The following PVT1 variants were observed in gnomAD, a reference collection of about 807,000 sequenced individuals.
PVT1 encodes the protein CXCR4/PVT1 fusion.
At chr8:128,037,539 T>C (rs984463107) in intron 4 of PVT1, among the ~76,000 whole-genome samples, 1 of 152,234 alleles carries the variant, frequency 6.6e-6, no homozygotes, top group Non-Finnish European at 1.5e-5. Context: ...GCATCTGGCC[T>C]GTAAGTACAG....
chr8:128,083,488 C>CA (rs34328337), intron 5 of PVT1, among the ~76,000 whole-genome samples: 2 of 151,866 alleles, frequency 1.3e-5, no homozygotes, highest in East Asian at 1.9e-4. Flanking sequence ...TTCTTTTTGA[C>CA]AAAAAAAGGC....
chr8:127,887,534 T>C (rs1013652710), intron 2 of PVT1, among the ~76,000 whole-genome samples: 4 of 152,206 alleles, frequency 2.6e-5, no homozygotes, highest in Non-Finnish European at 4.4e-5. Context: ...TTATTTTATT[T>C]TTTAGACAAA....
At chr8:127,908,109 T>G (rs2129838831) in intron 3 of PVT1, among the ~76,000 whole-genome samples, 1 of 152,314 alleles carries the variant, frequency 6.6e-6, no homozygotes, top group East Asian at 1.9e-4. Flanking sequence ...CTCATCTTTT[T>G]GGAATTCGCC....
intron 2 of PVT1, among the ~76,000 whole-genome samples, chr8:127,888,551 G>A (rs113732957): frequency 0.011 from 1,694 of 152,350 alleles, 30 homozygotes; most frequent in African/African-American, 0.038. Flanking sequence ...ACCCTGAGGT[G>A]GACGGATGAT....
chr8:127,841,414 C>T (rs1273680492), intron 2 of PVT1, among the ~76,000 whole-genome samples: 1 of 152,016 alleles, frequency 6.6e-6, no homozygotes, highest in Non-Finnish European at 1.5e-5. Context: ...GCTGGGATTA[C>T]AGGCATGCAC....
intron 4 of PVT1, chr8:128,010,243 C>A (rs1817297194): frequency 6.6e-6 from 1 of 152,090 alleles, no homozygotes; most frequent in Non-Finnish European, 1.5e-5. Context: ...TGATACTTCT[C>A]CAAATTGTTA....
intron 4 of PVT1, among the ~76,000 whole-genome samples, chr8:128,034,825 G>A (rs566514723): frequency 6.6e-6 from 1 of 152,210 alleles, no homozygotes; most frequent in Non-Finnish European, 1.5e-5. Context: ...GTTCAGGTTT[G>A]AATCCCTGCT....
intron 4 of PVT1, among the ~76,000 whole-genome samples, chr8:128,064,588 G>T (rs1048535288): frequency 6.6e-6 from 1 of 152,168 alleles, no homozygotes. Flanking sequence ...CTAGGGTGGG[G>T]CCCTGCCTGC....
chr8:127,956,476 T>C (rs547252831), intron 3 of PVT1, among the ~76,000 whole-genome samples: 107 of 152,342 alleles, frequency 7.0e-4, no homozygotes, highest in African/African-American at 2.4e-3. Context: ...TTTTTGTTGT[T>C]GTTGTGTTTT....
intron 2 of PVT1, among the ~76,000 whole-genome samples, chr8:127,885,253 T>A (rs1482199353): frequency 6.6e-6 from 1 of 152,048 alleles, no homozygotes; most frequent in Non-Finnish European, 1.5e-5. Context: ...TTCCATTTGA[T>A]GTGAGAATGA....
intron 2 of PVT1, among the ~76,000 whole-genome samples, chr8:127,801,840 T>C (rs940268882): frequency 4.6e-5 from 7 of 152,190 alleles, no homozygotes; most frequent in Non-Finnish European, 1.0e-4. Flanking sequence ...TACTGTGTGT[T>C]AAACACACAT....
chr8:127,881,816 C>G (rs897868643), intron 2 of PVT1, among the ~76,000 whole-genome samples: 43 of 152,116 alleles, frequency 2.8e-4, no homozygotes, highest in African/African-American at 1.0e-3. Context: ...TGGCTCACTG[C>G]AACCTCCACT....
rs71568675 is a variant in PVT1 at position 128,087,747 on chromosome 8, CTTTTTTTTT to C, written n.1115-8756_1115-8748del. Among the ~76,000 whole-genome samples the C allele has an allele frequency of 3.9e-5, 3 of 76,610 alleles. No homozygotes were observed. In the Admixed American group the frequency reaches 5.2e-4, roughly 13 times the overall value. 50.3% of individuals were successfully genotyped at this position (76,610 alleles called of 152,430 possible). A position where few individuals can be genotyped will look rare whatever the true frequency, so the allele number is the denominator to read the frequency against. ...CTCTGCTGACATTCCTGATGTGCTA[CTTTTTTTTT>C]TTTTTTTTTTTTTTGAGATGGAGTC... is the stretch of plus-strand genomic sequence containing the variant. On this transcript the variant is annotated intron_variant and non_coding_transcript_variant, in intron 5 of 10. Coordinates refer to ENST00000651587, the Ensembl canonical transcript of PVT1.
chr8:128,098,659 G>A (rs1441194075), intron 6 of PVT1, among the ~76,000 whole-genome samples: 1 of 152,214 alleles, frequency 6.6e-6, no homozygotes, highest in African/African-American at 2.4e-5. Context: ...TTATATTAGA[G>A]ATAATATGGT....
At chr8:127,929,644 T>C (rs1428796629) in intron 3 of PVT1, among the ~76,000 whole-genome samples, 1 of 152,050 alleles carries the variant, frequency 6.6e-6, no homozygotes, top group Non-Finnish European at 1.5e-5. Context: ...GGCGGGCGCC[T>C]GTAGTCCCAG....
chr8:128,028,212 G>A (rs558769913), intron 4 of PVT1, among the ~76,000 whole-genome samples: 3 of 152,392 alleles, frequency 2.0e-5, no homozygotes, highest in Admixed American at 6.5e-5. Flanking sequence ...GCAAGGCAGG[G>A]TGCTGGTGCC....
intron 4 of PVT1, among the ~76,000 whole-genome samples, chr8:128,043,308 A>G (rs984672941): frequency 9.2e-5 from 14 of 152,180 alleles, no homozygotes; most frequent in Non-Finnish European, 1.5e-4. Flanking sequence ...AAAGCCCCCT[A>G]GGACTTCACG....
At chr8:128,101,094 A>G (rs369123568) in intron 6 of PVT1, 1 of 152,112 alleles carries the variant, frequency 6.6e-6, no homozygotes, top group Non-Finnish European at 1.5e-5. Flanking sequence ...CTCTGCCCCA[A>G]CCACTCAGCA....
intron 2 of PVT1, among the ~76,000 whole-genome samples, chr8:127,823,834 G>A (rs1300808234): frequency 6.6e-6 from 1 of 152,234 alleles, no homozygotes; most frequent in Non-Finnish European, 1.5e-5. Context: ...GAAGCAGTCG[G>A]CTTTGATCAC....
Sources: allele counts gnomAD v4.1 joint callset (sites outside exome capture counted in the v4.1 genomes callset), GRCh38; gene constraint gnomAD v4.1.1; transcripts MANE v1.5; gene names NCBI Gene and HGNC (gene_info 2026-07-23, HGNC 2026-07-21).